Variants in MSI2 observed in about 807,000 individuals in gnomAD.
MSI2 encodes musashi RNA binding protein 2, also known as RNA-binding protein Musashi homolog 2.
A neutral mutation model predicts 45.6 loss-of-function variants in MSI2; 17 were observed. The ratio of observed to expected loss-of-function variants is 0.37; its 90% confidence interval spans 0.26 to 0.56. MSI2 has a LOEUF of 0.56. Ranked by LOEUF, MSI2 falls within the 20% of genes least tolerant of loss-of-function variation. The pLI, the probability that MSI2 is intolerant of heterozygous loss-of-function variation, is 0.77. For missense variants in MSI2, 293 were observed against 444.2 expected, an observed-to-expected ratio of 0.66 and a Z score of 3.06; for synonymous variants, 156 against 158.2, an observed-to-expected ratio of 0.99 and a Z score of 0.11.
chr17:57,565,380 T>C (rs1399639891), intron 7 of MSI2, among the ~76,000 whole-genome samples: 22 of 152,230 alleles, frequency 1.4e-4, no homozygotes, highest in Admixed American at 1.4e-3. Flanking sequence ...AGTTTCTCAG[T>C]GCACTCAGTG....
At chr17:57,671,756 TCAGA>T (rs1344059884) in intron 11 of MSI2, among the ~76,000 whole-genome samples, 2 of 152,246 alleles carry the variant, frequency 1.3e-5, no homozygotes, top group African/African-American at 2.4e-5. Context: ...CTTCCCACTG[TCAGA>T]CAGCAGGAAC....
intron 5 of MSI2, among the ~76,000 whole-genome samples, chr17:57,332,282 G>A (rs1914337497): frequency 6.6e-6 from 1 of 152,050 alleles, no homozygotes; most frequent in South Asian, 2.1e-4. Context: ...TGTATTTTTG[G>A]TAGAGATGGG....
intron 6 of MSI2, among the ~76,000 whole-genome samples, chr17:57,515,869 A>G (rs1198284250): frequency 6.6e-6 from 1 of 152,218 alleles, no homozygotes; most frequent in African/African-American, 2.4e-5. Context: ...GTTTCTTGAA[A>G]TCATGAGCCC....
intron 6 of MSI2, among the ~76,000 whole-genome samples, chr17:57,454,406 T>C (rs1255998792): frequency 2.0e-5 from 3 of 151,898 alleles, no homozygotes; most frequent in Non-Finnish European, 4.4e-5. Flanking sequence ...TCCTTCCTTC[T>C]TTCCTCTCTC....
At position 57,476,966 on chromosome 17, in the gene MSI2, C is replaced by T. The variant is rs1005479041; in HGVS notation, c.406-52710C>T. Among the ~76,000 whole-genome samples, 21 of 152,214 alleles carry T rather than the reference C, an allele frequency of 1.4e-4. No individual in the cohort carries two copies. In the South Asian group the frequency reaches 2.1e-3, roughly 15 times the overall value. On this transcript the variant is annotated intron_variant, in intron 6 of 13. Transcript: ENST00000284073. ...TTGTAAAACAAGATTCTTCTTTTTC[C>T]AAGGCCTCACCCCCGTCTGGCCAGC... is the stretch of plus-strand genomic sequence containing the variant.
intron 10 of MSI2, among the ~76,000 whole-genome samples, chr17:57,644,130 C>T (rs1325146759): frequency 3.3e-5 from 5 of 152,182 alleles, no homozygotes; most frequent in African/African-American, 1.2e-4. Flanking sequence ...GTGTTGGTAC[C>T]CTTGGGAATG....
chr17:57,656,925 G>T (rs1033622652), intron 11 of MSI2, among the ~76,000 whole-genome samples: 1 of 152,188 alleles, frequency 6.6e-6, no homozygotes, highest in East Asian at 1.9e-4. Context: ...GCTTCTGGAG[G>T]TGTCCCTACT....
At chr17:57,303,969 G>C (rs1911639474) in intron 5 of MSI2, among the ~76,000 whole-genome samples, 1 of 152,188 alleles carries the variant, frequency 6.6e-6, no homozygotes, top group African/African-American at 2.4e-5. Flanking sequence ...TGAATTACTA[G>C]AGGGAGGAGG....
At chr17:57,679,242 G>A (rs1036274695) in intron 13 of MSI2, among the ~76,000 whole-genome samples, 4 of 152,198 alleles carry the variant, frequency 2.6e-5, no homozygotes, top group African/African-American at 7.2e-5. Flanking sequence ...TGCAATCCCT[G>A]TAAGCACATT....
At chr17:57,296,307 T>C (rs1029902948) in intron 5 of MSI2, among the ~76,000 whole-genome samples, 1 of 152,192 alleles carries the variant, frequency 6.6e-6, no homozygotes, top group Non-Finnish European at 1.5e-5. Flanking sequence ...CCTTTTTGTT[T>C]GAAGCCGGCT....
chr17:57,324,471 T>C (rs772976229), intron 5 of MSI2, among the ~76,000 whole-genome samples: 1 of 152,164 alleles, frequency 6.6e-6, no homozygotes, highest in Non-Finnish European at 1.5e-5. Flanking sequence ...TTTCAGTTCC[T>C]GAAGGAGCCA....
chr17:57,594,767 G>A (rs1449525103), intron 7 of MSI2, among the ~76,000 whole-genome samples: 2 of 152,166 alleles, frequency 1.3e-5, no homozygotes, highest in Non-Finnish European at 2.9e-5. Flanking sequence ...GGCCTCTGAG[G>A]TAACTGAGAA....
Position 57,631,882 on chromosome 17 carries a change from G to T in MSI2, c.727+4579G>T, listed in dbSNP as rs766423832. 3 of 1,606,150 alleles carry T rather than the reference G, an allele frequency of 1.9e-6. No individual in the cohort carries two copies. In the African/African-American group the frequency reaches 4.0e-5, roughly 21 times the overall value. ...GGGGTTGCTACCATTTCTAGAGAGAGAGGACACAGTCCCGGCCTGGGCTGC... is the reference window on the plus strand; with the variant it reads ...GGGGTTGCTACCATTTCTAGAGAGATAGGACACAGTCCCGGCCTGGGCTGC... On this transcript the variant is annotated intron_variant, in intron 10 of 13. Coordinates refer to ENST00000284073, the MANE Select transcript of MSI2 (RefSeq NM_138962.4).
chr17:57,345,075 C>T (rs1191152558), intron 5 of MSI2, among the ~76,000 whole-genome samples: 11 of 151,928 alleles, frequency 7.2e-5, no homozygotes, highest in African/African-American at 9.7e-5. Flanking sequence ...AAAAAAAAGG[C>T]CTACTAAAAA....
intron 5 of MSI2, among the ~76,000 whole-genome samples, chr17:57,385,774 T>G (rs2083675540): frequency 6.6e-6 from 1 of 152,230 alleles, no homozygotes; most frequent in Admixed American, 6.5e-5. Flanking sequence ...CCCTGACTGG[T>G]CTGACTTCTG....
chr17:57,464,861 G>A (rs566676255), intron 6 of MSI2, among the ~76,000 whole-genome samples: 10 of 152,286 alleles, frequency 6.6e-5, no homozygotes, highest in South Asian at 2.1e-4. Flanking sequence ...AAAACGGTCC[G>A]TCTCCATCGT....
intron 7 of MSI2, among the ~76,000 whole-genome samples, chr17:57,546,626 A>T (rs1001389404): frequency 1.3e-5 from 2 of 152,184 alleles, no homozygotes; most frequent in African/African-American, 4.8e-5. Context: ...GCAGCCAGGG[A>T]CGACCAGGCT....
In MSI2 at chr17:57,616,037, G is replaced by T; in HGVS notation, c.605G>T (p.Gly202Val). 4.3e-6 allele frequency: 7 copies of T among 1,614,204 alleles called. No individual in the cohort carries two copies. The highest frequency in any genetic ancestry group is 5.9e-6 in the Non-Finnish European group (7 of 1,180,034). Reference protein sequence around the residue: ...FPPGTRGRARGLPYTMDAFML... With the variant: ...FPPGTRGRARVLPYTMDAFML... ...CCTGGGACAAGAGGCCGGGCCCGGGGACTGCCTTACACCATGGACGCGTTC... is the reference window on the plus strand; with the variant it reads ...CCTGGGACAAGAGGCCGGGCCCGGGTACTGCCTTACACCATGGACGCGTTC... Residue 202 changes from glycine to valine, a missense_variant, in exon 9 of 14, where the codon GGA becomes GTA. By Grantham distance (109) the Gly-to-Val change is moderately radical. Coordinates refer to ENST00000284073, the MANE Select transcript of MSI2 (RefSeq NM_138962.4).
intron 6 of MSI2, among the ~76,000 whole-genome samples, chr17:57,521,771 G>T (rs1394460603): frequency 6.6e-6 from 1 of 152,066 alleles, no homozygotes; most frequent in Non-Finnish European, 1.5e-5. Flanking sequence ...ATCCTCTTTC[G>T]GGCTGCCCAC....
Sources: allele counts gnomAD v4.1 joint callset (sites outside exome capture counted in the v4.1 genomes callset), GRCh38; gene constraint gnomAD v4.1.1; transcripts MANE v1.5; gene names NCBI Gene and HGNC (gene_info 2026-07-23, HGNC 2026-07-21).